Variants in SEMA3A observed in about 807,000 individuals in gnomAD.
The protein encoded by SEMA3A is semaphorin-3A.
A neutral mutation model predicts 97.9 loss-of-function variants in SEMA3A; 29 were observed. The ratio of observed to expected loss-of-function variants is 0.30; its 90% confidence interval spans 0.22 to 0.40. The LOEUF is 0.40. Ranked by LOEUF, SEMA3A falls within the 10% of genes least tolerant of loss-of-function variation. The pLI, the probability that SEMA3A is intolerant of heterozygous loss-of-function variation, is 1.00. For synonymous variants in SEMA3A, 321 were observed against 323.7 expected, an observed-to-expected ratio of 0.99 and a Z score of 0.09; for missense variants, 763 against 951.3, an observed-to-expected ratio of 0.80 and a Z score of 2.60.
intron 3 of SEMA3A, among the ~76,000 whole-genome samples, chr7:84,259,495 TGAA>T (rs1324890757): frequency 6.6e-6 from 1 of 151,522 alleles, no homozygotes; most frequent in Non-Finnish European, 1.5e-5. Flanking sequence ...GGGGGTGAAA[TGAA>T]GGAGGGGTTT....
chr7:84,281,142 T>C (rs1361026390), intron 3 of SEMA3A, among the ~76,000 whole-genome samples: 1 of 152,184 alleles, frequency 6.6e-6, no homozygotes, highest in Non-Finnish European at 1.5e-5. Context: ...AAAAGCAGTT[T>C]TAAAGCCATT....
chr7:84,474,771 C>A (rs2116418025), intron 1 of SEMA3A, among the ~76,000 whole-genome samples: 1 of 152,060 alleles, frequency 6.6e-6, no homozygotes, highest in African/African-American at 2.4e-5. Flanking sequence ...CTTGCTTCTA[C>A]CTGAGAAAAA....
chr7:84,325,695 C>A (rs988982742), intron 2 of SEMA3A, among the ~76,000 whole-genome samples: 1 of 151,570 alleles, frequency 6.6e-6, no homozygotes, highest in Non-Finnish European at 1.5e-5. Context: ...ATGATTTGCC[C>A]CATTTTATTT....
intron 2 of SEMA3A, among the ~76,000 whole-genome samples, chr7:84,356,442 A>G (rs1435663959): frequency 2.0e-5 from 3 of 151,534 alleles, no homozygotes; most frequent in African/African-American, 7.2e-5. Flanking sequence ...ATTGTATATT[A>G]TAAGAAAATG....
chr7:84,001,195 G>T (rs1217309441), intron 12 of SEMA3A, among the ~76,000 whole-genome samples: 1 of 151,830 alleles, frequency 6.6e-6, no homozygotes, highest in Non-Finnish European at 1.5e-5. Flanking sequence ...TTCAAGGTGT[G>T]CTTTAATTTA....
chr7:84,270,832 C>T (rs1055976998), intron 3 of SEMA3A, among the ~76,000 whole-genome samples: 2 of 151,522 alleles, frequency 1.3e-5, no homozygotes, highest in African/African-American at 4.8e-5. Flanking sequence ...AAAATAGAAG[C>T]ACAATTTATA....
rs1267922038 is a variant in SEMA3A at position 83,993,454 on chromosome 7, C to T, written c.1453-7977G>A. Among the ~76,000 whole-genome samples, 10 of 151,394 alleles carry T rather than the reference C, an allele frequency of 6.6e-5. No individual in the cohort carries two copies. The South Asian group carries it at 8.3e-4, about 13-fold the overall frequency. ...GGCATGATTTTGCAGTGGCTGGTAC[C>T]GGTTTTTCCTTTCCATGTTTAGTGC... On this transcript the variant is annotated intron_variant, in intron 12 of 16. Coordinates refer to ENST00000265362, the MANE Select transcript of SEMA3A (RefSeq NM_006080.3).
chr7:84,169,589 C>T (rs548141004), intron 1 of SEMA3A, among the ~76,000 whole-genome samples: 28 of 149,742 alleles, frequency 1.9e-4, no homozygotes, highest in African/African-American at 3.4e-4. Context: ...GATATTGAAA[C>T]GTAGATTCAT....
chr7:84,109,939 AC>A (rs1795227293), intron 4 of SEMA3A, among the ~76,000 whole-genome samples: 1 of 152,228 alleles, frequency 6.6e-6, no homozygotes, highest in African/African-American at 2.4e-5. Context: ...TTTTAAAAAA[AC>A]ATATTTTTTT....
At chr7:84,244,543 A>G (rs1169372309) in intron 3 of SEMA3A, among the ~76,000 whole-genome samples, 4 of 152,014 alleles carry the variant, frequency 2.6e-5, no homozygotes, top group African/African-American at 7.2e-5. Flanking sequence ...TCCTTATACA[A>G]TTTCCAGTCT....
chr7:84,053,170 C>T (rs1378846146), intron 5 of SEMA3A, among the ~76,000 whole-genome samples: 8 of 125,292 alleles, frequency 6.4e-5, no homozygotes, highest in East Asian at 6.2e-4. Flanking sequence ...GGTGTGGTGC[C>T]GAAAAAATGT....
chr7:84,248,217 A>T (rs1003903919), intron 3 of SEMA3A, among the ~76,000 whole-genome samples: 4 of 152,176 alleles, frequency 2.6e-5, no homozygotes, highest in African/African-American at 9.7e-5. Context: ...ATTTTCCCTC[A>T]ATTCTCCGCT....
rs991955999 is a variant in SEMA3A at position 84,429,764 on chromosome 7, G to A, written c.-245-57864C>T. Among the ~76,000 whole-genome samples, 4 of 150,558 alleles carry A rather than the reference G, an allele frequency of 2.7e-5. 1 individual carries two copies. The highest frequency in any genetic ancestry group is 4.2e-4 in the South Asian group (2 of 4,752). On this transcript the variant is annotated intron_variant, in intron 1 of 3. Transcript: ENST00000424555. ...GGTAAGACGCACAAAAGAAAGACATGGTAAAGGAAAGAATAGACGGTGTAA... is the reference window on the plus strand; with the variant it reads ...GGTAAGACGCACAAAAGAAAGACATAGTAAAGGAAAGAATAGACGGTGTAA...
intron 14 of SEMA3A, among the ~76,000 whole-genome samples, chr7:83,979,969 A>T (rs1480176706): frequency 6.6e-6 from 1 of 152,178 alleles, no homozygotes; most frequent in Non-Finnish European, 1.5e-5. Flanking sequence ...TTTGAAAAAA[A>T]TAGCTATAAT....
At chr7:84,315,960 T>C (rs1420735482) in intron 2 of SEMA3A, among the ~76,000 whole-genome samples, 1 of 150,872 alleles carries the variant, frequency 6.6e-6, no homozygotes, top group East Asian at 2.0e-4. Context: ...TAAAATTCTG[T>C]CTTTCTTCCT....
chr7:84,260,309 G>A (rs940962361), intron 3 of SEMA3A, among the ~76,000 whole-genome samples: 1 of 152,168 alleles, frequency 6.6e-6, no homozygotes, highest in African/African-American at 2.4e-5. Flanking sequence ...CCCATCTGGA[G>A]CTGCCATTGC....
intron 12 of SEMA3A, among the ~76,000 whole-genome samples, chr7:83,989,503 T>C (rs1223155946): frequency 7.4e-6 from 1 of 134,972 alleles, no homozygotes; most frequent in East Asian, 2.5e-4. Context: ...GAGTGTGATA[T>C]TCCCCTTCCT....
At chr7:84,093,321 C>A (rs557149830) in intron 4 of SEMA3A, among the ~76,000 whole-genome samples, 11 of 152,244 alleles carry the variant, frequency 7.2e-5, no homozygotes, top group Non-Finnish European at 1.6e-4. Flanking sequence ...ACAGCACTTA[C>A]CACAATATGT....
intron 1 of SEMA3A, among the ~76,000 whole-genome samples, chr7:84,377,952 A>T (rs1803151142): frequency 6.6e-6 from 1 of 152,126 alleles, no homozygotes. Context: ...CCATGTCTCC[A>T]GTAACATGTG....
Sources: allele counts gnomAD v4.1 joint callset (sites outside exome capture counted in the v4.1 genomes callset), GRCh38; gene constraint gnomAD v4.1.1; transcripts MANE v1.5; gene names NCBI Gene and HGNC (gene_info 2026-07-23, HGNC 2026-07-21).